SESTD1: variants seen among roughly 807,000 people sequenced by gnomAD.
SESTD1 encodes the protein SEC14 and spectrin domain containing 1.
In SESTD1, 43 loss-of-function variants were observed where a neutral mutation model predicts 101.7. The observed-to-expected ratio is 0.42, with a 90% CI of 0.33 to 0.55. The LOEUF (loss-of-function observed/expected upper bound fraction) is 0.55. Ranked by LOEUF, SESTD1 falls within the 20% of genes least tolerant of loss-of-function variation. The pLI is 0.07. For synonymous variants in SESTD1, 283 were observed against 286.8 expected (o/e 0.99, Z 0.13); for missense variants, 647 against 815.1 (o/e 0.79, Z 2.51).
intron 1 of SESTD1, among the ~76,000 whole-genome samples, chr2:179,256,879 C>T (rs988101889): frequency 1.3e-5 from 2 of 150,858 alleles, no homozygotes; most frequent in Admixed American, 6.6e-5. Flanking sequence ...CAAGTAGTTT[C>T]TTGAGATGGA....
chr2:179,194,759 A>G lies in SESTD1; in HGVS notation c.-25-2893T>C, dbSNP rs144824875. 2.2e-3 allele frequency among the ~76,000 whole-genome samples: 329 copies of G among 152,320 alleles called. 4 individuals carry two copies. The highest frequency in any genetic ancestry group is 7.3e-3 in the African/African-American group (304 of 41,560). Reference sequence around the variant, plus strand: ...TGTAAATTATGCCAAACTAAGGGAAATAAGACAGGGGTCAAATTAAAACCC... The same window carrying G: ...TGTAAATTATGCCAAACTAAGGGAAGTAAGACAGGGGTCAAATTAAAACCC... On this transcript the variant is annotated intron_variant, in intron 1 of 17. Transcript: ENST00000428443.
chr2:179,237,133 G>T (rs12621115), intron 1 of SESTD1, among the ~76,000 whole-genome samples: 36,849 of 151,228 alleles, frequency 0.24, 5,061 homozygotes, highest in South Asian at 0.39. Context: ...TTCTAATAAT[G>T]TACATTATTA....
chr2:179,234,053 T>C (rs552287631), intron 1 of SESTD1, among the ~76,000 whole-genome samples: 1 of 152,324 alleles, frequency 6.6e-6, no homozygotes, highest in Admixed American at 6.5e-5. Flanking sequence ...GTAAATCAGT[T>C]TGCCCTCCGT....
rs966910303 is a variant in SESTD1 at position 179,264,610 on chromosome 2, G to C, written c.-137C>G. On this transcript the variant is annotated 5_prime_UTR_variant, in exon 1 of 18. Transcript: ENST00000428443. The stretch of plus-strand genomic sequence containing the variant: ...GGCGCGGCGGGAGGAAGGCGGGCTG[G>C]GGGCGGAGCGGGCCCGGGCGGCGGC... 3 of 152,298 alleles carry C rather than the reference G, an allele frequency of 2.0e-5. No individual in the cohort carries two copies. Among genetic ancestry groups the C allele is most frequent in the African/African-American group, 7.3e-5 (3 of 41,102 alleles). 9.4% of individuals were successfully genotyped at this position (152,298 alleles called of 1,614,324 possible).
chr2:179,146,140 G>A lies in SESTD1; in HGVS notation c.637+262C>T, dbSNP rs189728042. Among the ~76,000 whole-genome samples the A allele has an allele frequency of 4.6e-4, 70 of 151,344 alleles. No homozygotes were observed. The East Asian group carries it at 8.5e-3, about 18-fold the overall frequency. On this transcript the variant is annotated intron_variant, in intron 8 of 17. Transcript: ENST00000428443. ...GAGCACAAACTCTATTGTGAACTAT[G>A]CACGCGAGGGATCCAGGTTGTGTGC... is the stretch of plus-strand genomic sequence containing the variant.
intron 12 of SESTD1, among the ~76,000 whole-genome samples, chr2:179,122,800 G>A (rs748037440): frequency 6.6e-6 from 1 of 152,134 alleles, no homozygotes; most frequent in Non-Finnish European, 1.5e-5. Flanking sequence ...GGAAGCTGAG[G>A]CAGGAGAATC....
At chr2:179,129,748 A>T (rs1395805561) in intron 10 of SESTD1, among the ~76,000 whole-genome samples, 1 of 152,254 alleles carries the variant, frequency 6.6e-6, no homozygotes, top group Non-Finnish European at 1.5e-5. Flanking sequence ...GAAAGCTTTT[A>T]ATAAAATATT....
chr2:179,193,343 GT>G (rs1217352626), intron 1 of SESTD1, among the ~76,000 whole-genome samples: 1 of 152,162 alleles, frequency 6.6e-6, no homozygotes, highest in African/African-American at 2.4e-5. Flanking sequence ...TTTGCGATTT[GT>G]TTATTCAAGT....
intron 1 of SESTD1, among the ~76,000 whole-genome samples, chr2:179,242,521 A>G (rs1271405522): frequency 6.6e-6 from 1 of 152,238 alleles, no homozygotes; most frequent in Non-Finnish European, 1.5e-5. Flanking sequence ...ATTCTAAGCA[A>G]AAAGAACAAA....
At chr2:179,200,115 T>C (rs2046482309) in intron 1 of SESTD1, among the ~76,000 whole-genome samples, 1 of 152,168 alleles carries the variant, frequency 6.6e-6, no homozygotes, top group Non-Finnish European at 1.5e-5. Context: ...ATCACAAGCA[T>C]TCTTATACAC....
intron 3 of SESTD1, among the ~76,000 whole-genome samples, chr2:179,180,197 A>G (rs1383227745): frequency 2.0e-5 from 3 of 152,230 alleles, no homozygotes; most frequent in Admixed American, 6.6e-5. Flanking sequence ...CACTTAAAAT[A>G]GCTATGTATC....
At chr2:179,231,580 A>G (rs935560763) in intron 1 of SESTD1, among the ~76,000 whole-genome samples, 3 of 151,942 alleles carry the variant, frequency 2.0e-5, no homozygotes, top group African/African-American at 7.2e-5. Flanking sequence ...AAAGAAAAAT[A>G]GAACAATGTA....
chr2:179,151,154 C>T (rs1471146859), intron 6 of SESTD1, 124 bp downstream of exon 6: 2 of 571,396 alleles, frequency 3.5e-6, no homozygotes, highest in East Asian at 6.7e-5. Flanking sequence ...ATGTGGTATG[C>T]ACATATTTCT....
chr2:179,247,987 G>GA (rs1273276261), intron 1 of SESTD1, among the ~76,000 whole-genome samples: 15 of 151,750 alleles, frequency 9.9e-5, no homozygotes, highest in Middle Eastern at 3.4e-3. Flanking sequence ...TTAGAAAAGA[G>GA]AAAAAATCTC....
intron 5 of SESTD1, among the ~76,000 whole-genome samples, chr2:179,170,892 A>G (rs1393591336): frequency 6.6e-6 from 1 of 152,240 alleles, no homozygotes; most frequent in Non-Finnish European, 1.5e-5. Context: ...GCTCTGGATC[A>G]TTCTAGACCT....
At chr2:179,247,343 G>A (rs546712293) in intron 1 of SESTD1, among the ~76,000 whole-genome samples, 1 of 152,048 alleles carries the variant, frequency 6.6e-6, no homozygotes, top group South Asian at 2.1e-4. Context: ...TGAAGCATAA[G>A]TTCTTATAAC....
rs71023474 is a variant in SESTD1, at chr2:179,230,113, CTTTTTTTTTTTTTTTTTTTTTTTTTTT to C, written c.-26+34359_-26+34385del. Among the ~76,000 whole-genome samples, 139 of 56,426 alleles carry C rather than the reference CTTTTTTTTTTTTTTTTTTTTTTTTTTT, an allele frequency of 2.5e-3. 2 individuals are homozygous for C. Among genetic ancestry groups the C allele is most frequent in the African/African-American group, 7.4e-3 (120 of 16,302 alleles). 37.0% of individuals were successfully genotyped at this position (56,426 alleles called of 152,430 possible). A position where few individuals can be genotyped will look rare whatever the true frequency, so the allele number is the denominator to read the frequency against. Reference sequence around the variant, plus strand: ...AAATATTCCAAACTGGATTGTATCTCTTTTTTTTTTTTTTTTTTTTTTTTTTTTTTTTTTTTTTGAGACAGGGTCTCA... The same window carrying C: ...AAATATTCCAAACTGGATTGTATCTCTTTTTTTTTTTGAGACAGGGTCTCA... On this transcript the variant is annotated intron_variant, in intron 1 of 17. Coordinates refer to ENST00000428443, the MANE Select transcript of SESTD1 (RefSeq NM_178123.5).
chr2:179,146,338 T>C, intron 8 of SESTD1, 64 bp downstream of exon 8: 1 of 1,408,478 alleles, frequency 7.1e-7, no homozygotes, highest in East Asian at 2.3e-5. Flanking sequence ...TCATGTTTAT[T>C]TAATGAACGA....
intron 2 of SESTD1, among the ~76,000 whole-genome samples, chr2:179,184,696 C>T (rs1249059873): frequency 4.6e-5 from 7 of 152,054 alleles, no homozygotes; most frequent in Admixed American, 3.3e-4. Context: ...CAAGAGAGGG[C>T]GTTAATAGGA....
Sources: allele counts gnomAD v4.1 joint callset (sites outside exome capture counted in the v4.1 genomes callset), GRCh38; gene constraint gnomAD v4.1.1; transcripts MANE v1.5; gene names NCBI Gene and HGNC (gene_info 2026-07-23, HGNC 2026-07-21).